Variants in ZNF362 observed in about 807,000 individuals in gnomAD.
ZNF362 encodes zinc finger protein 362.
Under a neutral mutation model 42.9 loss-of-function variants are expected in ZNF362, and 11 were observed. That is an observed-to-expected ratio of 0.26 (90% CI 0.16 to 0.42). The LOEUF (loss-of-function observed/expected upper bound fraction) is 0.42. Among genes scored for constraint, ZNF362 ranks in the 20% least tolerant of loss-of-function variants. The probability of loss-of-function intolerance (pLI) is 1.00; values close to 1 mark genes in which losing one functional copy is unlikely to be tolerated. For synonymous variants in ZNF362, 255 were observed against 257.3 expected (o/e 0.99, Z 0.09); for missense variants, 362 against 576.2 (o/e 0.63, Z 3.81).
the ZNF362 span, among the ~76,000 whole-genome samples, chr1:33,185,681 GT>G: frequency 3.9e-5 from 6 of 152,280 alleles, no homozygotes; most frequent in South Asian, 1.2e-3. Flanking sequence ...ATCTGATGTG[GT>G]TGAGTGGTCT....
the ZNF362 span, among the ~76,000 whole-genome samples, chr1:33,211,726 C>G: frequency 6.6e-6 from 1 of 152,016 alleles, no homozygotes; most frequent in Non-Finnish European, 1.5e-5. Flanking sequence ...GGTTGCTCTT[C>G]TCAAGGAGTA....
chr1:33,230,114 A>G, the ZNF362 span, among the ~76,000 whole-genome samples: 1 of 152,144 alleles, frequency 6.6e-6, no homozygotes, highest in African/African-American at 2.4e-5. Flanking sequence ...AAAACCTATA[A>G]CCATAGCAGC....
chr1:33,240,240 A>G, the ZNF362 span, among the ~76,000 whole-genome samples: 1 of 152,200 alleles, frequency 6.6e-6, no homozygotes, highest in East Asian at 1.9e-4. Flanking sequence ...CTGCTTCCTG[A>G]TATGAGGCAC....
At chr1:33,179,622 T>C in the ZNF362 span, among the ~76,000 whole-genome samples, 1 of 152,200 alleles carries the variant, frequency 6.6e-6, no homozygotes, top group Non-Finnish European at 1.5e-5. Flanking sequence ...CTTTCGTTCA[T>C]TCATTTGGCC....
At chr1:33,252,766 A>G (rs997320521), upstream of ZNF362, among the ~76,000 whole-genome samples, 3 of 152,140 alleles carry the variant, frequency 2.0e-5, no homozygotes, top group African/African-American at 7.2e-5. Flanking sequence ...TAAATAATGT[A>G]CTCTAATCCA....
intron 6 of ZNF362, among the ~76,000 whole-genome samples, chr1:33,286,312 GATA>G (rs964059997): frequency 8.6e-5 from 13 of 151,788 alleles, no homozygotes; most frequent in Admixed American, 2.0e-4. Context: ...AAGAGCAAGT[GATA>G]ATAATGATGA....
At chr1:33,257,636 A>G (rs998552050) in intron 1 of ZNF362, among the ~76,000 whole-genome samples, 2 of 152,074 alleles carry the variant, frequency 1.3e-5, no homozygotes, top group African/African-American at 4.8e-5. Context: ...AAGGGGCTCT[A>G]TAAACATGGC....
At chr1:33,159,647 G>C in the ZNF362 span, 1 of 1,580,300 alleles carries the variant, frequency 6.3e-7, no homozygotes, top group Non-Finnish European at 8.6e-7. This position sits in a 1 kb window ranked among gnomAD's most constrained non-coding sequence, Gnocchi z 4.2. Flanking sequence ...GGTCGAGGAG[G>C]GGATGGTCAG....
Position 33,270,477 on chromosome 1 carries a change from C to T in ZNF362, c.-88-10C>T. 3 of 691,306 alleles carry T rather than the reference C, an allele frequency of 4.3e-6. No homozygotes were observed. Among genetic ancestry groups the T allele is most frequent in the Non-Finnish European group, 5.3e-6 (2 of 379,426 alleles). The allele number at this position is 691,306 out of a possible 1,614,324, so 42.8% of individuals were successfully genotyped here. A position where few individuals can be genotyped will look rare whatever the true frequency, so the allele number is the denominator to read the frequency against. Reference sequence around the variant, plus strand: ...TTGTTATTATTGTTATTGTTATTCCCATATACAAGGTGCTGTTGGGAACAC... The same window carrying T: ...TTGTTATTATTGTTATTGTTATTCCTATATACAAGGTGCTGTTGGGAACAC... On this transcript the variant is annotated splice_polypyrimidine_tract_variant and intron_variant, in intron 1 of 8. Coordinates refer to ENST00000539719, the MANE Select transcript of ZNF362 (RefSeq NM_152493.3).
rs1283705466 is a variant in ZNF362, at chr1:33,266,885, G to A, written c.-88-3602G>A. Among the ~76,000 whole-genome samples the A allele has an allele frequency of 2.0e-5, 3 of 152,174 alleles. No individual in the cohort carries two copies. The highest frequency in any genetic ancestry group is 1.5e-5 in the Non-Finnish European group (1 of 68,038). On this transcript the variant is annotated intron_variant, in intron 1 of 8. Transcript: ENST00000539719. This position sits in a 1 kb window ranked among gnomAD's most constrained non-coding sequence, Gnocchi z 4.3. ...CAGGGGACCTTCTTGGCGAAAACCC[G>A]AGCATCAGACTGTGGAGTTTGAACT...
the ZNF362 span, among the ~76,000 whole-genome samples, chr1:33,247,209 C>A: frequency 6.6e-6 from 1 of 152,090 alleles, no homozygotes; most frequent in Non-Finnish European, 1.5e-5. Flanking sequence ...CCAAAGTTTG[C>A]AAAAAGAATT....
At chr1:33,172,143 G>A in the ZNF362 span, among the ~76,000 whole-genome samples, 1 of 152,212 alleles carries the variant, frequency 6.6e-6, no homozygotes, top group African/African-American at 2.4e-5. Flanking sequence ...GGAATGAAAT[G>A]ACTTAATTCA....
chr1:33,147,754 G>T, the ZNF362 span: 1 of 1,595,260 alleles, frequency 6.3e-7, no homozygotes, highest in Non-Finnish European at 8.6e-7. This position sits in a 1 kb window ranked among gnomAD's most constrained non-coding sequence, Gnocchi z 8.1. Flanking sequence ...AGGGAGAGAA[G>T]ATGAGTGGGG....
chr1:33,222,408 A>G, the ZNF362 span, among the ~76,000 whole-genome samples: 4 of 152,106 alleles, frequency 2.6e-5, no homozygotes, highest in Non-Finnish European at 5.9e-5. Flanking sequence ...AGCATCTCTC[A>G]TCTACATTAC....
At chr1:33,168,011 A>G in the ZNF362 span, among the ~76,000 whole-genome samples, 1 of 152,206 alleles carries the variant, frequency 6.6e-6, no homozygotes, top group African/African-American at 2.4e-5. Context: ...AACAAGGAAA[A>G]TAATAAAGGA....
the ZNF362 span, among the ~76,000 whole-genome samples, chr1:33,183,162 G>C: frequency 6.6e-6 from 1 of 152,194 alleles, no homozygotes; most frequent in Admixed American, 6.5e-5. Context: ...TGGGTAAGGA[G>C]AGAAGACTAG....
the ZNF362 span, chr1:33,147,585 C>A: frequency 6.2e-7 from 1 of 1,614,158 alleles, no homozygotes; most frequent in Non-Finnish European, 8.5e-7. The surrounding 1 kb of genome is among the most constrained non-coding windows in gnomAD (Gnocchi z 8.1). Context: ...CAGAACCCAG[C>A]ACCGACACCT....
At chr1:33,252,390 G>GAA (rs148436186), upstream of ZNF362, among the ~76,000 whole-genome samples, 97,560 of 151,626 alleles carry the variant, frequency 0.64, 32,338 homozygotes, top group Middle Eastern at 0.72. Context: ...ACAACAACCA[G>GAA]AAAAACCATC....
the ZNF362 span, among the ~76,000 whole-genome samples, chr1:33,241,913 A>G: frequency 6.6e-6 from 1 of 151,894 alleles, no homozygotes; most frequent in African/African-American, 2.4e-5. Flanking sequence ...CCAACCCCCA[A>G]CCCCCAACCC....
Sources: gnomAD v4.1 joint callset for allele counts (sites outside exome capture counted in the v4.1 genomes callset) on GRCh38, gnomAD v4.1.1 for gene constraint, Gnocchi (gnomAD v3.1) non-coding constraint, MANE v1.5 for transcripts, NCBI Gene and HGNC (gene_info 2026-07-23, HGNC 2026-07-21) for gene names.